ATM: variants seen among roughly 807,000 people sequenced by gnomAD.
ATM encodes serine-protein kinase ATM.
In ATM, 308 loss-of-function variants were observed where a neutral mutation model predicts 387.0. That is an observed-to-expected ratio of 0.80 (90% CI 0.73 to 0.87). The LOEUF (loss-of-function observed/expected upper bound fraction) is 0.87, where lower values mean the gene tolerates loss of function less well. Ranked by LOEUF, ATM falls within the 40% of genes least tolerant of loss-of-function variation. The probability of loss-of-function intolerance (pLI) is 0.00; values close to 1 mark genes in which losing one functional copy is unlikely to be tolerated. For missense variants in ATM, 3,312 were observed against 3,560.9 expected (o/e 0.93, Z 1.78); for synonymous variants, 1,156 against 1,187.3 (o/e 0.97, Z 0.54).
chr11:108,236,634 T>C (rs2079293089), intron 5 of ATM: 1 of 152,048 alleles, frequency 6.6e-6, no homozygotes, highest in Non-Finnish European at 1.5e-5. Context: ...AAAGTATCCA[T>C]TGGATGAGGC....
chr11:108,273,663 A>G (rs1281644147), intron 22 of ATM, among the ~76,000 whole-genome samples: 1 of 152,040 alleles, frequency 6.6e-6, no homozygotes, highest in Admixed American at 6.6e-5. Flanking sequence ...CGTTCTGTTT[A>G]TGTGATGGAT....
intron 17 of ATM, 88 bp downstream of exon 17, chr11:108,267,430 C>T (rs1183493895): frequency 8.0e-7 from 1 of 1,242,314 alleles, no homozygotes; most frequent in East Asian, 2.4e-5. Flanking sequence ...CAATTTTGTG[C>T]TTATTTCATT....
At chr11:108,281,207 G>A in intron 24 of ATM, 39 bp downstream of exon 24, 1 of 1,592,532 alleles carries the variant, frequency 6.3e-7, no homozygotes, top group South Asian at 1.1e-5. Context: ...GCTTCCTTAG[G>A]TCACTGTGAA....
At chr11:108,304,223 G>A (rs1434610582) in intron 36 of ATM, among the ~76,000 whole-genome samples, 5 of 152,128 alleles carry the variant, frequency 3.3e-5, no homozygotes, top group Admixed American at 2.0e-4. Context: ...GACTGTTGTA[G>A]TTCTTCACTG....
chr11:108,253,028 A>G (rs1244737726), intron 12 of ATM, 116 bp downstream of exon 12: 3 of 904,006 alleles, frequency 3.3e-6, no homozygotes, highest in Non-Finnish European at 5.1e-6. Flanking sequence ...TTGGTCCAAA[A>G]AAATTGCAAC....
intron 59 of ATM, among the ~76,000 whole-genome samples, chr11:108,351,280 G>C (rs2089170418): frequency 6.6e-6 from 1 of 152,150 alleles, no homozygotes; most frequent in Admixed American, 6.5e-5. Flanking sequence ...GGACTGAAAG[G>C]GGGCCTCTGG....
At position 108,245,014 on chromosome 11, in the gene ATM, A is replaced by G. The variant is rs1340517984; in HGVS notation, c.889A>G (p.Thr297Ala). Residue 297 changes from threonine to alanine, a missense_variant, in exon 7 of 63, where the codon ACC becomes GCC. By Grantham distance (58) the Thr-to-Ala change is moderately conservative (BLOSUM62 0). This residue lies in a region of ATM where 1,791 missense variants were observed against 1,804.5 expected (regional missense o/e 0.99). Coordinates refer to ENST00000675843, the MANE Select transcript of ATM (RefSeq NM_000051.4). The stretch of plus-strand genomic sequence containing the variant: ...TATCCATCATCCGAAAGGAGCCAAA[A>G]CCCAAGAAAAAGGTATAAAGGAAAT... ...IYIHHPKGAK[T>A]QEKGAYESTK... 1.9e-6 allele frequency: 3 copies of G among 1,607,374 alleles called. No individual in the cohort carries two copies. Among genetic ancestry groups the G allele is most frequent in the Non-Finnish European group, 2.5e-6 (3 of 1,177,002 alleles).
chr11:108,246,869 G>A, intron 7 of ATM, 95 bp from the exon 8 acceptor site: 10 of 1,013,226 alleles, frequency 9.9e-6, no homozygotes, highest in Non-Finnish European at 1.5e-5. Context: ...GTCTTCTAAC[G>A]CTGATGCAGC....
intron 61 of ATM, among the ~76,000 whole-genome samples, chr11:108,359,338 T>A (rs879033567): frequency 1.3e-5 from 2 of 151,392 alleles, no homozygotes; most frequent in East Asian, 3.9e-4. Context: ...ATCCCACACA[T>A]TAATAATGGG....
intron 8 of ATM, 91 bp downstream of exon 8, chr11:108,247,218 AC>A (rs2135271941): frequency 7.9e-7 from 1 of 1,272,586 alleles, no homozygotes; most frequent in African/African-American, 1.5e-5. Context: ...CTGTGTTCTC[AC>A]AAAAAGCCTA....
rs730881367 is a variant in ATM, at chr11:108,288,968, C to A, written c.4110-9C>A. ...ACGATGACTGTATTTTTTCCCTTAA[C>A]TCTGTTAGGGATTTGGATCCTGCTC... On this transcript the variant is annotated splice_polypyrimidine_tract_variant and intron_variant, in intron 27 of 62. Transcript: ENST00000675843. 4 of 1,613,234 alleles carry A rather than the reference C, an allele frequency of 2.5e-6. No individual in the cohort carries two copies. The African/African-American group carries it at 5.3e-5, about 22-fold the overall frequency.
intron 45 of ATM, among the ~76,000 whole-genome samples, chr11:108,322,341 A>G (rs959476515): frequency 8.6e-5 from 13 of 152,032 alleles, no homozygotes; most frequent in Non-Finnish European, 1.5e-4. Flanking sequence ...TTTAATAGAG[A>G]CGGGGTTTCG....
intron 16 of ATM, 83 bp downstream of exon 16, chr11:108,259,158 T>C (rs2080707458): frequency 8.9e-7 from 1 of 1,125,692 alleles, no homozygotes; most frequent in East Asian, 2.5e-5. Flanking sequence ...TAAATAAGGA[T>C]GCATCTCACA....
At chr11:108,283,582 T>A (rs2082339029) in intron 25 of ATM, among the ~76,000 whole-genome samples, 1 of 152,218 alleles carries the variant, frequency 6.6e-6, no homozygotes, top group Non-Finnish European at 1.5e-5. Flanking sequence ...TAGTTTCCTT[T>A]AAGAAGGATA....
rs758056561 is a variant in ATM, at chr11:108,251,020, G to T, written c.1555G>T (p.Val519Phe). 1.2e-6 allele frequency: 2 copies of T among 1,614,140 alleles called. No homozygotes were observed. Among genetic ancestry groups the T allele is most frequent in the East Asian group, 2.2e-5 (1 of 44,886 alleles). The part of the protein sequence containing the change: ...GAIIQGSLVE[V>F]DREFWKLFTG... ...CATAATTCAGGGTAGTTTAGTTGAG[G>T]TTGACAGAGAATTCTGGAAGTTATT... The change falls in exon 10 of 63, where the codon GTT (valine) becomes TTT (phenylalanine). Residue 519 changes from valine to phenylalanine, a missense_variant. Coordinates refer to ENST00000675843, the MANE Select transcript of ATM (RefSeq NM_000051.4).
At chr11:108,323,675 A>C (rs1041919756) in intron 45 of ATM, among the ~76,000 whole-genome samples, 1 of 152,216 alleles carries the variant, frequency 6.6e-6, no homozygotes, top group African/African-American at 2.4e-5. Context: ...AAATATGTAC[A>C]ACTATTATGT....
intron 22 of ATM, among the ~76,000 whole-genome samples, chr11:108,276,862 G>A (rs1361797490): frequency 1.3e-5 from 2 of 152,218 alleles, no homozygotes; most frequent in African/African-American, 4.8e-5. Flanking sequence ...ACTTGAGGAG[G>A]CAGTCTGTCC....
Position 108,335,954 on chromosome 11 carries a change from C to T in ATM, c.8261C>T (p.Thr2754Ile), listed in dbSNP as rs587779871. The change falls in exon 56 of 63, where the codon ACT (threonine) becomes ATT (isoleucine). Residue 2754 changes from threonine (T) to isoleucine (I), a missense_variant. Coordinates refer to ENST00000675843, the MANE Select transcript of ATM (RefSeq NM_000051.4). Reference protein sequence around the residue: ...ETRKRKLTICTYKVVPLSQRS... With the variant: ...ETRKRKLTICIYKVVPLSQRS... ...AGGAAGAGGAAATTAACTATCTGTA[C>T]TTATAAGGTAACTATTTGTACTTCT... 2.5e-6 allele frequency: 4 copies of T among 1,605,254 alleles called. No homozygotes were observed. The highest frequency in any genetic ancestry group is 2.2e-5 in the East Asian group (1 of 44,826).
chr11:108,335,780 G>A, intron 55 of ATM, 65 bp from the exon 56 acceptor site: 1 of 1,340,080 alleles, frequency 7.5e-7, no homozygotes, highest in Non-Finnish European at 1.1e-6. Context: ...GCTATTCTCA[G>A]ATGACTCTGT....
Sources: gnomAD v4.1 joint callset for allele counts (sites outside exome capture counted in the v4.1 genomes callset) on GRCh38, gnomAD v4.1.1 for gene constraint, gnomAD v4.1.1 regional missense constraint, MANE v1.5 for transcripts, NCBI Gene and HGNC (gene_info 2026-07-23, HGNC 2026-07-21) for gene names.